The following TNRC6A variants were observed in gnomAD, a reference collection of about 807,000 sequenced individuals.
The protein encoded by TNRC6A is trinucleotide repeat-containing gene 6A protein.
Under a neutral mutation model 221.2 loss-of-function variants are expected in TNRC6A, and 44 were observed. That is an observed-to-expected ratio of 0.20 (90% CI 0.16 to 0.26). The LOEUF is 0.26. Ranked by LOEUF, TNRC6A falls within the 10% of genes least tolerant of loss-of-function variation. The pLI is 1.00. For synonymous variants in TNRC6A, 847 were observed against 838.5 expected (o/e 1.01, Z -0.18); for missense variants, 2,199 against 2,404.4 (o/e 0.91, Z 1.79).
At chr16:24,614,675 A>G (rs886488467) in intron 1 of TNRC6A, among the ~76,000 whole-genome samples, 1 of 152,236 alleles carries the variant, frequency 6.6e-6, no homozygotes, top group Non-Finnish European at 1.5e-5. Flanking sequence ...ATGGAACTCA[A>G]TGCCTTCAGT....
intron 6 of TNRC6A, among the ~76,000 whole-genome samples, chr16:24,792,690 A>G (rs1442448586): frequency 2.2e-5 from 3 of 133,976 alleles, no homozygotes; most frequent in Non-Finnish European, 1.5e-5. Context: ...AGCATTGTTC[A>G]GCATATGTAA....
chr16:24,807,804 CT>C (rs1156262737), intron 17 of TNRC6A, among the ~76,000 whole-genome samples: 1 of 152,024 alleles, frequency 6.6e-6, no homozygotes, highest in African/African-American at 2.4e-5. Context: ...TTTTCTCTCT[CT>C]TTTCCTATAC....
chr16:24,760,453 C>T (rs568301315), intron 4 of TNRC6A, among the ~76,000 whole-genome samples: 3 of 152,280 alleles, frequency 2.0e-5, no homozygotes, highest in Admixed American at 6.5e-5. Flanking sequence ...GATTTTTCCA[C>T]GACTCTGTAG....
At chr16:24,687,382 T>A (rs968767574) in intron 2 of TNRC6A, among the ~76,000 whole-genome samples, 1 of 152,232 alleles carries the variant, frequency 6.6e-6, no homozygotes, top group Non-Finnish European at 1.5e-5. Flanking sequence ...AATTCTAGCC[T>A]CTTTATCATG....
At chr16:24,724,846 A>T (rs988858296), upstream of TNRC6A, among the ~76,000 whole-genome samples, 1 of 152,182 alleles carries the variant, frequency 6.6e-6, no homozygotes, top group Admixed American at 6.6e-5. Flanking sequence ...AATATTATGC[A>T]TGAGCCTTGC....
chr16:24,662,995 A>G (rs2055067033), intron 2 of TNRC6A: 1 of 153,764 alleles, frequency 6.5e-6, no homozygotes, highest in Admixed American at 6.5e-5. Context: ...TATTTGAAAG[A>G]AATTTCTTGA....
In TNRC6A at chr16:24,804,261, G is replaced by A. The variant is rs2058384553; in HGVS notation, c.3779G>A (p.Gly1260Asp). 6.2e-7 allele frequency: 1 copy of A among 1,613,610 alleles called. No homozygotes were observed. Among genetic ancestry groups the A allele is most frequent in the Non-Finnish European group, 8.5e-7 (1 of 1,179,942 alleles). The change falls in exon 12 of 25, where the codon GGT becomes GAT. Residue 1260 changes from glycine to aspartate, a missense_variant. Gly to Asp is a moderately conservative substitution (Grantham distance 94). Around this residue, in one of 8 missense-constraint regions of TNRC6A, gnomAD observed 158 missense variants for 159.1 expected, o/e 0.99. Transcript: ENST00000395799. ...AATCGAACGGTCGGGAAAGGCCCTG[G>A]TTCTCGGCCTCAGATTTCCAAAGAG... ...DYNRTVGKGPGSRPQISKESS... is the reference protein window; with the variant it reads ...DYNRTVGKGPDSRPQISKESS...
At chr16:24,801,646 G>A (rs1008020354) in intron 11 of TNRC6A, among the ~76,000 whole-genome samples, 7 of 148,536 alleles carry the variant, frequency 4.7e-5, no homozygotes, top group Admixed American at 2.7e-4. Context: ...CTGCCTCCAC[G>A]CCCAGCTAAT....
chr16:24,740,296 G>A (rs1400519710), intron 2 of TNRC6A, among the ~76,000 whole-genome samples: 3 of 152,064 alleles, frequency 2.0e-5, no homozygotes, highest in Admixed American at 6.5e-5. Flanking sequence ...GACTATTCTG[G>A]TTGCATTTCT....
chr16:24,805,872 G>A lies in TNRC6A; in HGVS notation c.4251+139G>A, dbSNP rs141652603. 645 of 1,168,458 alleles carry A rather than the reference G, an allele frequency of 5.5e-4. 5 individuals carry two copies. In the African/African-American group the frequency reaches 9.0e-3, roughly 16 times the overall value. The allele number at this position is 1,168,458 out of a possible 1,614,324, so 72.4% of individuals were successfully genotyped here. A position where few individuals can be genotyped will look rare whatever the true frequency, so the allele number is the denominator to read the frequency against. On this transcript the variant is annotated intron_variant, in intron 15 of 24. Coordinates refer to ENST00000395799, the MANE Select transcript of TNRC6A (RefSeq NM_014494.4). Reference sequence around the variant, plus strand: ...CCTCATGGAGCTTACAGTCTATCGGGGGAGACAGATCGTGAACATTTGTGA... The same window carrying A: ...CCTCATGGAGCTTACAGTCTATCGGAGGAGACAGATCGTGAACATTTGTGA...
intron 2 of TNRC6A, among the ~76,000 whole-genome samples, chr16:24,700,656 C>T (rs1428915728): frequency 1.3e-5 from 2 of 152,120 alleles, no homozygotes; most frequent in Non-Finnish European, 2.9e-5. Flanking sequence ...GTAGAGGTGC[C>T]ATATTGGCTG....
intron 2 of TNRC6A, among the ~76,000 whole-genome samples, chr16:24,697,837 C>T (rs1334347239): frequency 6.6e-6 from 1 of 151,902 alleles, no homozygotes; most frequent in Non-Finnish European, 1.5e-5. Context: ...GTCAAGAGAT[C>T]GAGACCATCC....
chr16:24,672,650 C>T (rs1232279166), intron 2 of TNRC6A, among the ~76,000 whole-genome samples: 1 of 151,828 alleles, frequency 6.6e-6, no homozygotes, highest in African/African-American at 2.4e-5. Flanking sequence ...TGCCATATAG[C>T]TGAAGCTGGT....
chr16:24,650,343 A>G (rs1191035688), intron 2 of TNRC6A, among the ~76,000 whole-genome samples: 1 of 152,200 alleles, frequency 6.6e-6, no homozygotes, highest in Non-Finnish European at 1.5e-5. Flanking sequence ...TCAGGTAAAC[A>G]CATTACAATG....
At chr16:24,633,487 C>A (rs977270684) in intron 1 of TNRC6A, among the ~76,000 whole-genome samples, 1 of 152,128 alleles carries the variant, frequency 6.6e-6, no homozygotes, top group Middle Eastern at 3.4e-3. Context: ...CTCCACCTCC[C>A]GGGTTCAAGC....
intron 2 of TNRC6A, among the ~76,000 whole-genome samples, chr16:24,724,512 G>A (rs974008613): frequency 1.8e-4 from 27 of 152,192 alleles, no homozygotes; most frequent in African/African-American, 5.1e-4. Context: ...TTGGGAGGCC[G>A]AGGCAGGCGG....
chr16:24,675,696 CTCTCTCTATATATATATA>C (rs1270650596), intron 2 of TNRC6A, among the ~76,000 whole-genome samples: 10 of 76,098 alleles, frequency 1.3e-4, no homozygotes, highest in South Asian at 5.2e-4. Context: ...CTCTCTCTCT[CTCTCTCTATATATATATA>C]TATATATATA....
chr16:24,648,333 A>G (rs1281582926), intron 2 of TNRC6A, among the ~76,000 whole-genome samples: 3 of 130,838 alleles, frequency 2.3e-5, no homozygotes, highest in Non-Finnish European at 3.1e-5. Context: ...GTGCAGTGGC[A>G]CAATCTTGGC....
chr16:24,622,133 T>G (rs1421319868), intron 1 of TNRC6A, among the ~76,000 whole-genome samples: 1 of 152,164 alleles, frequency 6.6e-6, no homozygotes, highest in African/African-American at 2.4e-5. Context: ...AGAATATTTT[T>G]TAGTGGCCAG....
Sources: gnomAD v4.1 joint callset for allele counts (sites outside exome capture counted in the v4.1 genomes callset) on GRCh38, gnomAD v4.1.1 for gene constraint, gnomAD v4.1.1 regional missense constraint, MANE v1.5 for transcripts, NCBI Gene and HGNC (gene_info 2026-07-23, HGNC 2026-07-21) for gene names.